Variants in CADPS observed in about 807,000 individuals in gnomAD.
CADPS encodes calcium dependent secretion activator, also known as calcium-dependent secretion activator 1.
A neutral mutation model predicts 167.3 loss-of-function variants in CADPS; 57 were observed. The observed-to-expected ratio is 0.34, with a 90% CI of 0.28 to 0.42. The LOEUF (loss-of-function observed/expected upper bound fraction) is 0.42. CADPS is among the 20% of genes least tolerant of loss of function. The pLI is 1.00. For missense variants in CADPS, 1,414 were observed against 1,738.1 expected (o/e 0.81, Z 3.32); for synonymous variants, 676 against 635.3 (o/e 1.06, Z -0.96).
At chr3:62,600,336 A>G (rs2059778063) in intron 6 of CADPS, among the ~76,000 whole-genome samples, 1 of 152,054 alleles carries the variant, frequency 6.6e-6, no homozygotes. Flanking sequence ...GGAAAGTGCC[A>G]CCAAGCTATA....
chr3:62,535,357 T>G (rs1329910593), intron 12 of CADPS, among the ~76,000 whole-genome samples: 1 of 151,774 alleles, frequency 6.6e-6, no homozygotes, highest in Non-Finnish European at 1.5e-5. Context: ...TACAGATTAA[T>G]AAATTATTCC....
intron 1 of CADPS, among the ~76,000 whole-genome samples, chr3:62,838,216 G>T (rs1270310965): frequency 2.0e-5 from 3 of 152,160 alleles, no homozygotes; most frequent in Non-Finnish European, 4.4e-5. Flanking sequence ...CTAATGAATG[G>T]GTAATGACAT....
intron 1 of CADPS, among the ~76,000 whole-genome samples, chr3:62,831,179 T>C (rs2075011692): frequency 6.6e-6 from 1 of 152,186 alleles, no homozygotes; most frequent in South Asian, 2.1e-4. Context: ...CTAACATCTC[T>C]TGTGTGCTGT....
At chr3:62,705,924 A>T (rs919432136) in intron 3 of CADPS, among the ~76,000 whole-genome samples, 1 of 152,172 alleles carries the variant, frequency 6.6e-6, no homozygotes, top group Non-Finnish European at 1.5e-5. Flanking sequence ...CATATATCAC[A>T]TCATGTCATT....
intron 11 of CADPS, among the ~76,000 whole-genome samples, chr3:62,537,906 T>A (rs907446074): frequency 3.9e-5 from 6 of 152,118 alleles, no homozygotes; most frequent in East Asian, 1.9e-4. Flanking sequence ...TTGACTTTTT[T>A]AAAAAAACGT....
At chr3:62,759,074 A>G (rs1347206916) in intron 2 of CADPS, among the ~76,000 whole-genome samples, 1 of 152,244 alleles carries the variant, frequency 6.6e-6, no homozygotes, top group Non-Finnish European at 1.5e-5. Context: ...AAATGGGCAC[A>G]TAAATAATGA....
At chr3:62,695,567 A>C (rs1218086656) in intron 3 of CADPS, among the ~76,000 whole-genome samples, 1 of 152,130 alleles carries the variant, frequency 6.6e-6, no homozygotes, top group Non-Finnish European at 1.5e-5. Flanking sequence ...GCTATGATAC[A>C]TAACAAGAAT....
chr3:62,862,215 T>C (rs1577511742), intron 1 of CADPS, among the ~76,000 whole-genome samples: 1 of 147,706 alleles, frequency 6.8e-6, no homozygotes, highest in South Asian at 2.2e-4. Flanking sequence ...TTGAAAACAG[T>C]GGTTTTTTTT....
At chr3:62,860,226 G>A (rs1393597666) in intron 1 of CADPS, among the ~76,000 whole-genome samples, 2 of 152,168 alleles carry the variant, frequency 1.3e-5, no homozygotes, top group African/African-American at 2.4e-5. Flanking sequence ...CCTCCTCCAG[G>A]AAGCAGGCTG....
intron 28 of CADPS, among the ~76,000 whole-genome samples, chr3:62,437,838 T>C (rs2055459743): frequency 6.6e-6 from 1 of 152,096 alleles, no homozygotes; most frequent in African/African-American, 2.4e-5. Context: ...CCTTGCAAGC[T>C]TCGTGCAGGA....
At position 62,478,193 on chromosome 3, in the gene CADPS, T is replaced by TCTAC; in HGVS notation, c.3329+64_3329+67dup. ...CTACAGCCAATTGAAAGAGCAGCCA[T>TCTAC]CTACCCTTCCCTGAGTCTGTGTATG... is the stretch of plus-strand genomic sequence containing the variant. On this transcript the variant is annotated intron_variant, in intron 23 of 29. Transcript: ENST00000383710. The surrounding 1 kb of genome is among the most constrained non-coding windows in gnomAD (Gnocchi z 5.7). The TCTAC allele has an allele frequency of 6.5e-7, 1 of 1,534,370 alleles. No homozygotes were observed. The highest frequency in any genetic ancestry group is 9.0e-7 in the Non-Finnish European group (1 of 1,114,368).
intron 9 of CADPS, among the ~76,000 whole-genome samples, chr3:62,566,391 C>T (rs781775407): frequency 5.8e-4 from 86 of 147,184 alleles, no homozygotes; most frequent in Non-Finnish European, 1.1e-3. Context: ...CTGTTGGGGG[C>T]CAATTGCCAC....
chr3:62,399,541 G>A lies in CADPS; in HGVS notation c.3927C>T (p.Thr1309=). The change falls in exon 30 of 30, where the codon ACC becomes ACT. Residue 1309 remains threonine (T), a synonymous_variant. Transcript: ENST00000383710. This position sits in a 1 kb window ranked among gnomAD's most constrained non-coding sequence, Gnocchi z 5.6. ...TCGTTTCATAGGTCTTGCTGTTTAA[G>A]GTGGAGTCCAGGACCCCTTGCAATC... ...DFRLQGVLDS[T]LNSKTYETIR... 2 of 1,614,116 alleles carry A rather than the reference G, an allele frequency of 1.2e-6. No homozygotes were observed. Among genetic ancestry groups the A allele is most frequent in the Non-Finnish European group, 1.7e-6 (2 of 1,179,986 alleles).
intron 5 of CADPS, among the ~76,000 whole-genome samples, chr3:62,649,541 GTCTTTTTTTTTTTTTT>G (rs1313850975): frequency 4.0e-5 from 3 of 75,010 alleles, no homozygotes; most frequent in African/African-American, 1.4e-4. Flanking sequence ...ACAATATGTG[GTCTTTTTTTTTTTTTT>G]TTTTTTTTTT....
intron 28 of CADPS, among the ~76,000 whole-genome samples, chr3:62,436,827 G>A (rs968125484): frequency 6.6e-6 from 1 of 151,944 alleles, no homozygotes; most frequent in African/African-American, 2.4e-5. Flanking sequence ...AGGGGAAAGA[G>A]GGGTATCAAG....
intron 6 of CADPS, among the ~76,000 whole-genome samples, chr3:62,611,454 T>C (rs1484335777): frequency 6.6e-6 from 1 of 152,214 alleles, no homozygotes; most frequent in Non-Finnish European, 1.5e-5. Context: ...ATTTGCCCTG[T>C]TTTCCTCAGT....
At chr3:62,485,460 C>G (rs777862088) in intron 21 of CADPS, among the ~76,000 whole-genome samples, 14 of 152,138 alleles carry the variant, frequency 9.2e-5, no homozygotes, top group Non-Finnish European at 1.2e-4. Context: ...ATTGATTTCC[C>G]TCTATTCTTA....
chr3:62,449,060 A>G (rs979201496), intron 26 of CADPS, among the ~76,000 whole-genome samples: 5 of 152,236 alleles, frequency 3.3e-5, no homozygotes, highest in African/African-American at 1.2e-4. Flanking sequence ...TCATGTAGTT[A>G]ATTAAGGAGC....
intron 1 of CADPS, among the ~76,000 whole-genome samples, chr3:62,800,315 T>C (rs73108349): frequency 0.18 from 26,884 of 152,054 alleles, 2,785 homozygotes; most frequent in Middle Eastern, 0.3. Flanking sequence ...ATCATCATCA[T>C]CATTCTTTTG....
Sources: gnomAD v4.1 joint callset for allele counts (sites outside exome capture counted in the v4.1 genomes callset) on GRCh38, gnomAD v4.1.1 for gene constraint, Gnocchi (gnomAD v3.1) non-coding constraint, MANE v1.5 for transcripts, NCBI Gene and HGNC (gene_info 2026-07-23, HGNC 2026-07-21) for gene names.